Variants in SPAG17 observed in about 807,000 individuals in gnomAD.
The protein encoded by SPAG17 is sperm-associated antigen 17.
Under a neutral mutation model 273.6 loss-of-function variants are expected in SPAG17, and 169 were observed. The observed-to-expected ratio is 0.62, with a 90% CI of 0.55 to 0.70. The LOEUF (loss-of-function observed/expected upper bound fraction) is 0.70. Among genes scored for constraint, SPAG17 ranks in the 30% least tolerant of loss-of-function variants. The pLI, the probability that SPAG17 is intolerant of heterozygous loss-of-function variation, is 0.00. For synonymous variants in SPAG17, 825 were observed against 873.2 expected (o/e 0.94, Z 0.97); for missense variants, 2,557 against 2,627.8 (o/e 0.97, Z 0.59).
At chr1:118,112,240 T>TA (rs1656805082) in intron 4 of SPAG17, among the ~76,000 whole-genome samples, 1 of 151,936 alleles carries the variant, frequency 6.6e-6, no homozygotes. Flanking sequence ...AAGTTGAAGT[T>TA]AAAAAGAAAC....
At chr1:118,036,985 C>G in intron 23 of SPAG17, 102 bp from the exon 24 acceptor site, 1 of 755,972 alleles carries the variant, frequency 1.3e-6, no homozygotes, top group Non-Finnish European at 2.2e-6. Flanking sequence ...GCTGCTCTAC[C>G]ACAATCAACT....
chr1:118,128,305 CTT>C (rs1368804685), intron 3 of SPAG17, among the ~76,000 whole-genome samples: 1 of 152,024 alleles, frequency 6.6e-6, no homozygotes, highest in African/African-American at 2.4e-5. Flanking sequence ...TTTGTGAAGT[CTT>C]TAGGTTTTTC....
At chr1:118,031,307 T>C (rs1235089896) in intron 25 of SPAG17, among the ~76,000 whole-genome samples, 1 of 151,626 alleles carries the variant, frequency 6.6e-6, no homozygotes, top group African/African-American at 2.4e-5. Context: ...CATTGTTTGG[T>C]TAAATATATT....
chr1:118,033,243 C>T (rs1336722248), intron 24 of SPAG17, among the ~76,000 whole-genome samples: 3 of 152,132 alleles, frequency 2.0e-5, no homozygotes, highest in African/African-American at 7.2e-5. Flanking sequence ...TAAGGCATCT[C>T]CTGGTTGTGG....
chr1:117,995,528 A>T (rs1657553363), intron 34 of SPAG17, among the ~76,000 whole-genome samples: 1 of 152,102 alleles, frequency 6.6e-6, no homozygotes, highest in Non-Finnish European at 1.5e-5. Flanking sequence ...CACCACACTG[A>T]CTGGGGGTCA....
chr1:118,156,491 C>T (rs945433467), intron 1 of SPAG17, among the ~76,000 whole-genome samples: 4 of 152,190 alleles, frequency 2.6e-5, no homozygotes, highest in African/African-American at 9.7e-5. Flanking sequence ...TATATCTGAT[C>T]TAACATGGTC....
chr1:118,004,100 G>A (rs1658603845), intron 32 of SPAG17, among the ~76,000 whole-genome samples: 2 of 152,138 alleles, frequency 1.3e-5, no homozygotes, highest in Non-Finnish European at 2.9e-5. Flanking sequence ...GGAGTTTGCT[G>A]GATGCCTGGG....
intron 20 of SPAG17, among the ~76,000 whole-genome samples, chr1:118,043,257 G>T (rs777728571): frequency 6.6e-6 from 1 of 152,128 alleles, no homozygotes; most frequent in Admixed American, 6.5e-5. Flanking sequence ...GAGACATTTC[G>T]AGAGTTGAAG....
chr1:117,955,255 G>C lies in SPAG17; in HGVS notation c.*1-1206C>G, dbSNP rs536590976. On this transcript the variant is annotated intron_variant, in intron 48 of 48. Coordinates refer to ENST00000336338, the MANE Select transcript of SPAG17 (RefSeq NM_206996.4). ...CCTGTTTTATAGGAGATAGAAATTAGAGAACTTTAGTAGAAACCAACCAAG... is the reference window on the plus strand; with the variant it reads ...CCTGTTTTATAGGAGATAGAAATTACAGAACTTTAGTAGAAACCAACCAAG... 2.1e-6 allele frequency: 3 copies of C among 1,437,882 alleles called. No individual in the cohort carries two copies. In the African/African-American group the frequency reaches 4.3e-5, roughly 21 times the overall value. The allele number at this position is 1,437,882 out of a possible 1,614,324, so 89.1% of individuals were successfully genotyped here.
chr1:118,019,116 T>G (rs1015889068), intron 28 of SPAG17, among the ~76,000 whole-genome samples: 1 of 148,870 alleles, frequency 6.7e-6, no homozygotes, highest in Non-Finnish European at 1.5e-5. Context: ...CATCTCATAG[T>G]CAAAAAGTAC....
chr1:118,137,132 A>G (rs1241972574), intron 3 of SPAG17, among the ~76,000 whole-genome samples: 1 of 152,198 alleles, frequency 6.6e-6, no homozygotes. Flanking sequence ...CAACAAGAGT[A>G]GCTCTTCACA....
intron 3 of SPAG17, among the ~76,000 whole-genome samples, chr1:118,116,887 T>C (rs762679734): frequency 3.1e-4 from 47 of 152,276 alleles, no homozygotes; most frequent in Middle Eastern, 6.8e-3. Flanking sequence ...GCTAACACAA[T>C]TTAGGGAAAG....
At chr1:118,043,209 G>T (rs1167243285) in intron 20 of SPAG17, among the ~76,000 whole-genome samples, 1 of 152,180 alleles carries the variant, frequency 6.6e-6, no homozygotes, top group Non-Finnish European at 1.5e-5. Context: ...AAATGGAATT[G>T]AATTTTTGAA....
chr1:118,024,488 T>C (rs1050712431), intron 27 of SPAG17, among the ~76,000 whole-genome samples: 2 of 152,188 alleles, frequency 1.3e-5, no homozygotes, highest in Non-Finnish European at 2.9e-5. Flanking sequence ...CTTTTAGATA[T>C]TGAATTATGT....
intron 3 of SPAG17, among the ~76,000 whole-genome samples, chr1:118,146,427 A>C (rs1658995430): frequency 6.6e-6 from 1 of 152,246 alleles, no homozygotes; most frequent in African/African-American, 2.4e-5. Flanking sequence ...ACTTAAGTTC[A>C]GGCATGAATC....
At chr1:118,178,100 T>A (rs960222146) in intron 1 of SPAG17, among the ~76,000 whole-genome samples, 1 of 151,950 alleles carries the variant, frequency 6.6e-6, no homozygotes, top group Admixed American at 6.6e-5. Context: ...CAAAACCACA[T>A]AAAGAAACAA....
chr1:117,988,652 TG>T (rs1193048239), intron 38 of SPAG17, among the ~76,000 whole-genome samples: 3 of 152,176 alleles, frequency 2.0e-5, no homozygotes, highest in Non-Finnish European at 4.4e-5. Context: ...ACGCTCTTGG[TG>T]GGATGTCAAT....
chr1:118,050,922 C>A (rs1650935542), intron 20 of SPAG17, among the ~76,000 whole-genome samples: 1 of 151,536 alleles, frequency 6.6e-6, no homozygotes, highest in Non-Finnish European at 1.5e-5. Context: ...ACCTTCTGCA[C>A]AACAAAGAAA....
chr1:118,082,609 G>C (rs560401729), intron 13 of SPAG17, among the ~76,000 whole-genome samples: 1 of 152,316 alleles, frequency 6.6e-6, no homozygotes, highest in Middle Eastern at 3.4e-3. Flanking sequence ...GAACAAAATA[G>C]TGAGCTCCCT....
Sources: gnomAD v4.1 joint callset for allele counts (sites outside exome capture counted in the v4.1 genomes callset) on GRCh38, gnomAD v4.1.1 for gene constraint, MANE v1.5 for transcripts, NCBI Gene and HGNC (gene_info 2026-07-23, HGNC 2026-07-21) for gene names.